Variants in AOPEP observed in about 807,000 individuals in gnomAD.
AOPEP encodes the protein aminopeptidase O.
A neutral mutation model predicts 98.1 loss-of-function variants in AOPEP; 77 were observed. The observed-to-expected ratio is 0.78, with a 90% CI of 0.65 to 0.95. The LOEUF (loss-of-function observed/expected upper bound fraction) is 0.95, where lower values mean the gene tolerates loss of function less well. Among genes scored for constraint, AOPEP ranks in the 40% least tolerant of loss-of-function variants. The pLI is 0.00. For missense variants in AOPEP, 1,024 were observed against 1,024.7 expected, an observed-to-expected ratio of 1.00 and a Z score of 0.01; for synonymous variants, 346 against 365.3, an observed-to-expected ratio of 0.95 and a Z score of 0.60.
chr9:94,945,762 T>G (rs973735574), intron 7 of AOPEP, among the ~76,000 whole-genome samples: 1 of 152,182 alleles, frequency 6.6e-6, no homozygotes, highest in African/African-American at 2.4e-5. Flanking sequence ...GCTTCGAGCC[T>G]CCTCTTGTAA....
At chr9:94,792,299 T>G (rs1845900511) in intron 3 of AOPEP, among the ~76,000 whole-genome samples, 1 of 152,188 alleles carries the variant, frequency 6.6e-6, no homozygotes, top group African/African-American at 2.4e-5. Context: ...ACTATATTCA[T>G]TTTATATTGC....
intron 5 of AOPEP, among the ~76,000 whole-genome samples, chr9:94,892,197 G>A (rs2048948722): frequency 6.6e-6 from 1 of 152,132 alleles, no homozygotes; most frequent in South Asian, 2.1e-4. Context: ...GACTTACTCA[G>A]CTTCTTGAAA....
chr9:95,120,416 C>CTTT, the AOPEP span, among the ~76,000 whole-genome samples: 1 of 138,618 alleles, frequency 7.2e-6, no homozygotes, highest in Admixed American at 7.3e-5. Context: ...CTTTTAAAAT[C>CTTT]TTTTTTTTTT....
chr9:95,012,793 AG>A (rs2062636087), intron 13 of AOPEP, among the ~76,000 whole-genome samples: 3 of 152,196 alleles, frequency 2.0e-5, no homozygotes, highest in African/African-American at 7.2e-5. Flanking sequence ...GGCCACATGC[AG>A]CCTCAATAAG....
chr9:94,798,834 C>CAA (rs960567715), intron 4 of AOPEP, among the ~76,000 whole-genome samples: 42 of 152,318 alleles, frequency 2.8e-4, no homozygotes, highest in African/African-American at 9.9e-4. Context: ...CATTCATGCA[C>CAA]AAGCACAGTA....
chr9:95,022,970 T>C (rs1241849585), intron 13 of AOPEP, among the ~76,000 whole-genome samples: 1 of 152,124 alleles, frequency 6.6e-6, no homozygotes, highest in East Asian at 1.9e-4. Context: ...CCCGCTGTAG[T>C]CCGGAATGAC....
At chr9:94,744,720 AAAG>A (rs1834063482) in intron 1 of AOPEP, among the ~76,000 whole-genome samples, 3 of 151,688 alleles carry the variant, frequency 2.0e-5, no homozygotes, top group Non-Finnish European at 2.9e-5. Context: ...AAAAAAAAAA[AAAG>A]AATAAAATAT....
At chr9:95,120,712 G>A in the AOPEP span, among the ~76,000 whole-genome samples, 1 of 152,200 alleles carries the variant, frequency 6.6e-6, no homozygotes, top group Admixed American at 6.5e-5. Context: ...ACAGGCATGA[G>A]CCGCCGTGCC....
At position 94,785,652 on chromosome 9, in the gene AOPEP, C is replaced by T. The variant is rs554211962; in HGVS notation, c.965-7113C>T. On this transcript the variant is annotated intron_variant, in intron 3 of 16. Transcript: ENST00000375315. ...CTCTCTGTTAGTCTTGCTAATGAAT[C>T]CCGACCTGGCTGTGAAATCATCCAG... Among the ~76,000 whole-genome samples, 7 of 152,298 alleles carry T rather than the reference C, an allele frequency of 4.6e-5. No individual in the cohort carries two copies. The East Asian group carries it at 1.4e-3, about 29-fold the overall frequency.
chr9:94,759,873 G>C lies in AOPEP; in HGVS notation c.90G>C (p.Leu30Phe), dbSNP rs1445640522. Residue 30 changes from leucine (L) to phenylalanine (F), a missense_variant, in exon 2 of 17, where the codon TTG becomes TTC. Transcript: ENST00000375315. ...TTGTGAAGCACTATGTACTGGATTTGGATGTGGATTTTGAAAGTCAAGTCA... is the reference window on the plus strand; with the variant it reads ...TTGTGAAGCACTATGTACTGGATTTCGATGTGGATTTTGAAAGTCAAGTCA... ...HILVKHYVLD[L>F]DVDFESQVIE... 6.2e-7 allele frequency: 1 copy of C among 1,614,128 alleles called. No homozygotes were observed. Among genetic ancestry groups the C allele is most frequent in the East Asian group, 2.2e-5 (1 of 44,876 alleles).
At chr9:94,931,476 T>C (rs2055294114) in intron 7 of AOPEP, among the ~76,000 whole-genome samples, 1 of 152,174 alleles carries the variant, frequency 6.6e-6, no homozygotes, top group Non-Finnish European at 1.5e-5. Context: ...TAGGTTTCGT[T>C]TACTCCCATC....
intron 11 of AOPEP, among the ~76,000 whole-genome samples, chr9:94,983,244 C>G (rs931618415): frequency 6.6e-6 from 1 of 152,054 alleles, no homozygotes. Context: ...AGGCTGGTCT[C>G]GAACTCCTGA....
chr9:95,067,379 C>A (rs774099102), intron 14 of AOPEP, among the ~76,000 whole-genome samples: 10 of 152,194 alleles, frequency 6.6e-5, no homozygotes, highest in Non-Finnish European at 1.2e-4. Context: ...TGGGGTGGCA[C>A]TAAAAATGAT....
At chr9:94,735,953 C>T (rs146662214) in intron 1 of AOPEP, among the ~76,000 whole-genome samples, 56 of 152,264 alleles carry the variant, frequency 3.7e-4, no homozygotes, top group African/African-American at 1.1e-3. Flanking sequence ...TCACGTCTCA[C>T]GGTGTTCTCA....
At chr9:94,819,551 T>C (rs1256980572) in intron 5 of AOPEP, among the ~76,000 whole-genome samples, 1 of 152,192 alleles carries the variant, frequency 6.6e-6, no homozygotes, top group Non-Finnish European at 1.5e-5. Flanking sequence ...GAATGGAATG[T>C]CTCAAGACAC....
chr9:95,125,977 C>A, the AOPEP span, among the ~76,000 whole-genome samples: 2 of 152,342 alleles, frequency 1.3e-5, no homozygotes, highest in Admixed American at 6.5e-5. Context: ...ATCTCAGCTT[C>A]ATGGCTGTGA....
chr9:94,926,474 G>A (rs558020847), intron 6 of AOPEP, among the ~76,000 whole-genome samples: 3 of 152,280 alleles, frequency 2.0e-5, no homozygotes, highest in African/African-American at 7.2e-5. Flanking sequence ...GTGAAAACAT[G>A]AATATCCCTG....
intron 5 of AOPEP, among the ~76,000 whole-genome samples, chr9:94,914,650 C>A (rs1425782205): frequency 6.6e-6 from 1 of 151,866 alleles, no homozygotes; most frequent in African/African-American, 2.4e-5. Flanking sequence ...ATGTCAAAAT[C>A]TGGATTTCTG....
intron 13 of AOPEP, among the ~76,000 whole-genome samples, chr9:95,044,787 C>G (rs1252571504): frequency 6.6e-6 from 1 of 152,116 alleles, no homozygotes; most frequent in Non-Finnish European, 1.5e-5. Flanking sequence ...GGGAACCCAC[C>G]TGGTGGTAAG....
Sources: gnomAD v4.1 joint callset for allele counts (sites outside exome capture counted in the v4.1 genomes callset) on GRCh38, gnomAD v4.1.1 for gene constraint, MANE v1.5 for transcripts, NCBI Gene and HGNC (gene_info 2026-07-23, HGNC 2026-07-21) for gene names.